TMEM245: variants seen among roughly 807,000 people sequenced by gnomAD.
TMEM245 encodes transmembrane protein 245, also known as protein CG-2.
In TMEM245, 69 loss-of-function variants were observed where a neutral mutation model predicts 101.2. The ratio of observed to expected loss-of-function variants is 0.68; its 90% CI spans 0.56 to 0.83. The LOEUF is 0.83. TMEM245 is among the 40% of genes least tolerant of loss of function. TMEM245 has a pLI of 0.00. For missense variants in TMEM245, 1,075 were observed against 1,092.8 expected (o/e 0.98, Z 0.23); for synonymous variants, 537 against 449.8 (o/e 1.19, Z -2.45).
chr9:109,085,994 T>C lies in TMEM245; in HGVS notation c.1344+3A>G, dbSNP rs765621524. ...AAAAACCAACATCTGGGTGTTCATT[T>C]ACCTTCTTATTTAGCCAGTGCCAGA... On this transcript the variant is annotated splice_donor_region_variant and intron_variant, in intron 7 of 17. Transcript: ENST00000374586. 5.0e-6 allele frequency: 8 copies of C among 1,614,110 alleles called. No individual in the cohort carries two copies. The highest frequency in any genetic ancestry group is 6.8e-6 in the Non-Finnish European group (8 of 1,179,964).
At chr9:109,078,021 A>G (rs990920491) in intron 8 of TMEM245, among the ~76,000 whole-genome samples, 8 of 152,064 alleles carry the variant, frequency 5.3e-5, no homozygotes, top group African/African-American at 1.9e-4. Context: ...TGTTCAGCAA[A>G]TTTTAGTATA....
intron 14 of TMEM245, among the ~76,000 whole-genome samples, chr9:109,041,434 T>C (rs981765357): frequency 3.3e-5 from 5 of 150,538 alleles, no homozygotes; most frequent in African/African-American, 9.8e-5. Flanking sequence ...GAGAGTAGGA[T>C]GTGGTTGCCA....
At chr9:109,023,238 T>A (rs766396525) in intron 17 of TMEM245, among the ~76,000 whole-genome samples, 6 of 152,196 alleles carry the variant, frequency 3.9e-5, no homozygotes, top group Non-Finnish European at 5.9e-5. Context: ...TGTGTGTATC[T>A]ACAGAACTCT....
chr9:109,080,187 T>C, intron 8 of TMEM245, among the ~76,000 whole-genome samples: 1 of 152,032 alleles, frequency 6.6e-6, no homozygotes, highest in Non-Finnish European at 1.5e-5. Context: ...GAAAAGAACA[T>C]ACCAAAATCT....
At chr9:109,071,557 T>C (rs72760338) in intron 9 of TMEM245, among the ~76,000 whole-genome samples, 19,461 of 151,596 alleles carry the variant, frequency 0.13, 1,656 homozygotes, top group Middle Eastern at 0.21. Flanking sequence ...TGAGACATGA[T>C]TGTGCCACTT....
intron 10 of TMEM245, among the ~76,000 whole-genome samples, chr9:109,061,423 A>G (rs1354932184): frequency 6.6e-6 from 1 of 152,202 alleles, no homozygotes; most frequent in Non-Finnish European, 1.5e-5. Flanking sequence ...GCCTATTTAC[A>G]TAGAGACAAT....
intron 1 of TMEM245, among the ~76,000 whole-genome samples, chr9:109,116,457 A>G (rs939432129): frequency 7.2e-5 from 11 of 152,190 alleles, no homozygotes; most frequent in African/African-American, 2.4e-4. Flanking sequence ...CTGGGCTCAG[A>G]CAATCCTCCT....
rs1460032665 is a variant in TMEM245 at position 109,017,250 on chromosome 9, T to C, written c.*3210A>G. 17 of 152,212 alleles carry C rather than the reference T, an allele frequency of 1.1e-4. No homozygotes were observed. Among genetic ancestry groups the C allele is most frequent in the Admixed American group, 1.1e-3 (17 of 15,288 alleles). The allele number at this position is 152,212 out of a possible 1,614,324, so 9.4% of individuals were successfully genotyped here. On this transcript the variant is annotated 3_prime_UTR_variant, in exon 18 of 18. Transcript: ENST00000374586. ...AGTTTGTTTACATACAAGGTCTCCA[T>C]GTAACATGTTGGATTTCTTCCCACT...
At chr9:109,027,355 G>A (rs971607196) in intron 17 of TMEM245, among the ~76,000 whole-genome samples, 6 of 151,934 alleles carry the variant, frequency 3.9e-5, no homozygotes, top group African/African-American at 1.5e-4. Context: ...TTTCCCCTCT[G>A]GAGAAGGTAA....
intron 17 of TMEM245, among the ~76,000 whole-genome samples, chr9:109,029,624 TAA>T (rs2132296331): frequency 6.6e-6 from 1 of 152,296 alleles, no homozygotes; most frequent in East Asian, 1.9e-4. Flanking sequence ...CGAAAATCTA[TAA>T]GAGGATGTGC....
rs550457983 is a variant in TMEM245, at chr9:109,096,090, C to T, written c.800-2499G>A. Among the ~76,000 whole-genome samples the T allele has an allele frequency of 3.3e-5, 5 of 152,258 alleles. No individual in the cohort carries two copies. The South Asian group carries it at 1.0e-3, about 32-fold the overall frequency. On this transcript the variant is annotated intron_variant, in intron 3 of 17. Coordinates refer to ENST00000374586, the MANE Select transcript of TMEM245 (RefSeq NM_032012.4). ...GGGAATCAAAGAGACGAAGGTATCCCGGTTTCCAGACTATGGTTAGGTAGA... is the reference window on the plus strand; with the variant it reads ...GGGAATCAAAGAGACGAAGGTATCCTGGTTTCCAGACTATGGTTAGGTAGA...
intron 5 of TMEM245, among the ~76,000 whole-genome samples, chr9:109,089,114 AAAC>A (rs1829925749): frequency 1.3e-5 from 2 of 152,092 alleles, no homozygotes; most frequent in South Asian, 4.1e-4. Context: ...AAAAAATACA[AAAC>A]AATAGCCAGT....
At position 109,091,069 on chromosome 9, in the gene TMEM245, GAGTAGGTGAAGGGGA is replaced by G. The variant is rs1267978134; in HGVS notation, c.988_1002del (p.Ser330_Thr334del). ...CCTATTTCAGGCCTTCGTCTGCCCA[GAGTAGGTGAAGGGGA>G]AGTGGGTGAAGGGGAGGAGGGTGAA... On this transcript the variant is annotated inframe_deletion, in exon 5 of 18. Coordinates refer to ENST00000374586, the MANE Select transcript of TMEM245 (RefSeq NM_032012.4). 6.2e-7 allele frequency: 1 copy of G among 1,614,144 alleles called. No homozygotes were observed. The highest frequency in any genetic ancestry group is 1.7e-5 in the Admixed American group (1 of 60,020).
At chr9:109,081,093 T>C (rs1829654190) in intron 7 of TMEM245, 150 bp from the exon 8 acceptor site, 2 of 586,918 alleles carry the variant, frequency 3.4e-6, no homozygotes, top group Non-Finnish European at 6.0e-6. Flanking sequence ...TTTAAGCAAC[T>C]TTAAAAACTT....
chr9:109,065,560 C>T (rs1331310874), intron 9 of TMEM245, among the ~76,000 whole-genome samples: 1 of 152,146 alleles, frequency 6.6e-6, no homozygotes, highest in Non-Finnish European at 1.5e-5. Flanking sequence ...GGAACTATAG[C>T]CCACAGCTTT....
At chr9:109,097,380 ATGCAGAGGGAGGT>A (rs1830169424) in intron 3 of TMEM245, among the ~76,000 whole-genome samples, 1 of 152,194 alleles carries the variant, frequency 6.6e-6, no homozygotes, top group South Asian at 2.1e-4. Flanking sequence ...TGGCGTAAGA[ATGCAGAGGGAGGT>A]TGGGACCAGG....
At position 109,119,560 on chromosome 9, in the gene TMEM245, G is replaced by C. The variant is rs779110872; in HGVS notation, c.354C>G (p.Pro118=). ...GCAGGAGCAGCGCGGCCAGGACGAT[G>C]GGCGTGTGCGCGCGGTGCAGGCGCT... ...WLQRLHRAHT[P]IVLAALLLPL... Residue 118 remains proline (P), a synonymous_variant, in exon 1 of 18, where the codon CCC becomes CCG. Coordinates refer to ENST00000374586, the MANE Select transcript of TMEM245 (RefSeq NM_032012.4). 1 of 1,538,260 alleles carries C rather than the reference G, an allele frequency of 6.5e-7. No homozygotes were observed. The highest frequency in any genetic ancestry group is 2.0e-5 in the Admixed American group (1 of 50,286).
At position 109,119,613 on chromosome 9, in the gene TMEM245, G is replaced by A. The variant is rs765650332; in HGVS notation, c.301C>T (p.Leu101=). 1.2e-5 allele frequency: 18 copies of A among 1,558,764 alleles called. No homozygotes were observed. The highest frequency in any genetic ancestry group is 4.1e-5 in the African/African-American group (3 of 72,866). ...AGCCAGTGGCGGCCCAGGCGCGTCA[G>A]CGAGCTCTTGAAGGGGTGCAGAAAA... ...GTFLHPFKSS[L]TRLGRHWLQR... Residue 101 remains leucine (L), a synonymous_variant, in exon 1 of 18, where the codon CTG becomes TTG. Transcript: ENST00000374586.
chr9:109,032,816 TTTTTTTTTTTTA>T (rs1385274095), intron 17 of TMEM245, among the ~76,000 whole-genome samples: 4 of 149,288 alleles, frequency 2.7e-5, no homozygotes, highest in Non-Finnish European at 4.5e-5. Context: ...TCTTTTTTTT[TTTTTTTTTTTTA>T]TATGCTGTTG....
Sources: gnomAD v4.1 joint callset for allele counts (sites outside exome capture counted in the v4.1 genomes callset) on GRCh38, gnomAD v4.1.1 for gene constraint, MANE v1.5 for transcripts, NCBI Gene and HGNC (gene_info 2026-07-23, HGNC 2026-07-21) for gene names.